The following FBXW10B variants were observed in gnomAD, a reference collection of about 807,000 sequenced individuals.
FBXW10B encodes the protein F-box and WD repeat domain containing 10B, also known as F-box and WD repeat domain containing protein 10B.
At chr17:15,598,243 G>A in the FBXW10B span, among the ~76,000 whole-genome samples, 1 of 151,884 alleles carries the variant, frequency 6.6e-6, no homozygotes, top group Non-Finnish European at 1.5e-5. Flanking sequence ...TGAGCCCTTT[G>A]AAGAAATAAA....
the FBXW10B span, chr17:15,619,595 A>C: frequency 1.3e-6 from 2 of 1,528,928 alleles, no homozygotes; most frequent in Non-Finnish European, 1.8e-6. Context: ...GGGGGAAATG[A>C]ATAAATACCC....
At chr17:15,588,580 C>T in the FBXW10B span, 1 of 363,628 alleles carries the variant, frequency 2.8e-6, no homozygotes, top group Non-Finnish European at 5.3e-6. Flanking sequence ...GGGACAGAAC[C>T]TATATGAATC....
the FBXW10B span, among the ~76,000 whole-genome samples, chr17:15,568,405 A>G: frequency 6.6e-6 from 1 of 152,130 alleles, no homozygotes; most frequent in East Asian, 1.9e-4. Flanking sequence ...GTGGGAGCAC[A>G]AAGAGAAGTA....
the FBXW10B span, among the ~76,000 whole-genome samples, chr17:15,578,059 T>C: frequency 3.9e-3 from 592 of 150,046 alleles, 6 homozygotes; most frequent in African/African-American, 0.014. Flanking sequence ...GAGATGGTCA[T>C]ACAAAAGATG....
chr17:15,612,953 C>G, the FBXW10B span: 2 of 1,237,442 alleles, frequency 1.6e-6, no homozygotes, highest in South Asian at 3.1e-5. Context: ...CTGCAGCAGG[C>G]AGGCCCACTT....
chr17:15,605,434 G>C, the FBXW10B span: 1 of 1,487,564 alleles, frequency 6.7e-7, no homozygotes, highest in South Asian at 1.4e-5. Flanking sequence ...CTGAGTGCCA[G>C]GGGAAAAGGA....
chr17:15,581,571 C>T, the FBXW10B span, among the ~76,000 whole-genome samples: 1 of 151,378 alleles, frequency 6.6e-6, no homozygotes, highest in Non-Finnish European at 1.5e-5. Context: ...CTCTATTCTT[C>T]CACTAGAACA....
chr17:15,570,123 T>C, the FBXW10B span, among the ~76,000 whole-genome samples: 1 of 152,108 alleles, frequency 6.6e-6, no homozygotes. Flanking sequence ...TAATAATGGA[T>C]GGATGGACAG....
the FBXW10B span, among the ~76,000 whole-genome samples, chr17:15,614,364 A>AT: frequency 6.9e-3 from 996 of 145,102 alleles, 5 homozygotes; most frequent in African/African-American, 0.021. Context: ...AATTTTTTGT[A>AT]TTTTTTTTTT....
chr17:15,577,107 C>G, the FBXW10B span, among the ~76,000 whole-genome samples: 3 of 150,292 alleles, frequency 2.0e-5, no homozygotes, highest in African/African-American at 7.4e-5. Context: ...TATGATTAGT[C>G]TCTTGGTGTG....
chr17:15,565,643 T>C, the FBXW10B span: 29 of 1,614,284 alleles, frequency 1.8e-5, no homozygotes, highest in African/African-American at 3.5e-4. Context: ...TTGCTGGCTT[T>C]TCCTGGATCA....
chr17:15,598,414 T>C, the FBXW10B span: 5 of 1,510,896 alleles, frequency 3.3e-6, no homozygotes, highest in African/African-American at 5.6e-5. Flanking sequence ...GGTGGATGGA[T>C]GGATGGATGA....
chr17:15,589,166 C>T, the FBXW10B span: 11 of 1,612,936 alleles, frequency 6.8e-6, no homozygotes, highest in Non-Finnish European at 9.3e-6. Context: ...GCACTTGGTT[C>T]GATTCCATTC....
chr17:15,566,346 C>T, the FBXW10B span: 6 of 1,381,894 alleles, frequency 4.3e-6, 2 homozygotes, highest in Middle Eastern at 1.9e-4. Context: ...GTGCTTTCTC[C>T]GCATCATCTG....
the FBXW10B span, among the ~76,000 whole-genome samples, chr17:15,612,314 G>T: frequency 0.018 from 2,767 of 151,684 alleles, 79 homozygotes; most frequent in African/African-American, 0.062. Flanking sequence ...AAGACCATCG[G>T]GGCTAACACG....
the FBXW10B span, among the ~76,000 whole-genome samples, chr17:15,582,180 G>T: frequency 6.8e-6 from 1 of 146,288 alleles, no homozygotes; most frequent in African/African-American, 2.6e-5. Context: ...TTTAATCAAA[G>T]GCTGAATGGT....
the FBXW10B span, chr17:15,613,667 T>C: frequency 7.5e-6 from 12 of 1,601,356 alleles, no homozygotes; most frequent in Admixed American, 1.7e-5. Context: ...CAAGTCCATC[T>C]TGACCTGTTG....
the FBXW10B span, among the ~76,000 whole-genome samples, chr17:15,579,269 A>G: frequency 1.3e-5 from 2 of 152,180 alleles, no homozygotes; most frequent in Non-Finnish European, 2.9e-5. Flanking sequence ...TCTTTTAAAC[A>G]TGTTTTAAAA....
chr17:15,605,817 G>GT, the FBXW10B span, among the ~76,000 whole-genome samples: 2 of 150,562 alleles, frequency 1.3e-5, no homozygotes, highest in African/African-American at 4.9e-5. Flanking sequence ...CTTTTCTTTT[G>GT]TTTTTTCCCT....
Sources: gnomAD v4.1 joint callset for allele counts (sites outside exome capture counted in the v4.1 genomes callset) on GRCh38, gnomAD v4.1.1 for gene constraint, MANE v1.5 for transcripts, NCBI Gene and HGNC (gene_info 2026-07-23, HGNC 2026-07-21) for gene names.